MACROD2: variants seen among roughly 807,000 people sequenced by gnomAD.
MACROD2 encodes ADP-ribose glycohydrolase MACROD2.
Under a neutral mutation model 70.4 loss-of-function variants are expected in MACROD2, and 36 were observed. The observed-to-expected ratio is 0.51, with a 90% CI of 0.39 to 0.68. MACROD2 has a LOEUF of 0.68. Ranked by LOEUF, MACROD2 falls within the 30% of genes least tolerant of loss-of-function variation. The pLI, the probability that MACROD2 is intolerant of heterozygous loss-of-function variation, is 0.00. For missense variants in MACROD2, 496 were observed against 538.4 expected (o/e 0.92, Z 0.78); for synonymous variants, 172 against 178.8 (o/e 0.96, Z 0.30).
At chr20:15,356,227 A>G (rs1252727808) in intron 6 of MACROD2, among the ~76,000 whole-genome samples, 2 of 152,164 alleles carry the variant, frequency 1.3e-5, no homozygotes, top group Admixed American at 1.3e-4. Flanking sequence ...CAGTTTTCTC[A>G]TTTGTAAAAA....
At chr20:14,593,203 A>G (rs1981896298) in intron 4 of MACROD2, among the ~76,000 whole-genome samples, 1 of 152,200 alleles carries the variant, frequency 6.6e-6, no homozygotes, top group Non-Finnish European at 1.5e-5. Flanking sequence ...TAATCTACAT[A>G]TACTGTTAAT....
rs1329926645 is a variant in MACROD2 at position 14,123,657 on chromosome 20, A to G, written c.271+37929A>G. 2.0e-5 allele frequency among the ~76,000 whole-genome samples: 3 copies of G among 152,212 alleles called. No individual in the cohort carries two copies. In the East Asian group the frequency reaches 5.8e-4, roughly 29 times the overall value. ...AAATCTCGTATCTGAAGATAGTGGT[A>G]ATCATCAATGTTTCAGAAAGGTAGC... On this transcript the variant is annotated intron_variant, in intron 3 of 17. Coordinates refer to ENST00000684519, the MANE Select transcript of MACROD2 (RefSeq NM_001351661.2).
intron 1 of MACROD2, among the ~76,000 whole-genome samples, chr20:14,002,060 T>G (rs2052739292): frequency 6.6e-6 from 1 of 152,328 alleles, no homozygotes; most frequent in African/African-American, 2.4e-5. Context: ...ACTTATTTCT[T>G]GGACTATCAT....
chr20:14,744,715 G>T (rs1332095571), intron 5 of MACROD2, among the ~76,000 whole-genome samples: 3 of 152,104 alleles, frequency 2.0e-5, no homozygotes, highest in Non-Finnish European at 4.4e-5. Flanking sequence ...CATTCGACTT[G>T]CTCTTTCTTG....
At chr20:15,693,856 C>T (rs1227705054) in intron 8 of MACROD2, among the ~76,000 whole-genome samples, 2 of 151,188 alleles carry the variant, frequency 1.3e-5, no homozygotes, top group African/African-American at 4.9e-5. Flanking sequence ...TCTTTTAATC[C>T]CTTGCCCCCC....
chr20:15,243,455 T>G (rs569061358), intron 6 of MACROD2, among the ~76,000 whole-genome samples: 8 of 152,146 alleles, frequency 5.3e-5, no homozygotes, highest in Non-Finnish European at 7.3e-5. Context: ...ATGCACACAG[T>G]AGAATCGAAG....
intron 8 of MACROD2, among the ~76,000 whole-genome samples, chr20:15,625,197 T>G (rs1343142711): frequency 6.6e-6 from 1 of 152,116 alleles, no homozygotes; most frequent in Non-Finnish European, 1.5e-5. Context: ...AGGAGGAAAA[T>G]GACAAACGTT....
chr20:15,109,297 A>G (rs939932569), intron 5 of MACROD2, among the ~76,000 whole-genome samples: 4 of 152,270 alleles, frequency 2.6e-5, no homozygotes, highest in African/African-American at 9.6e-5. Flanking sequence ...CTGAAACTTT[A>G]ATGAGGTGGA....
At chr20:14,750,460 G>GTTA (rs2071855572) in intron 5 of MACROD2, among the ~76,000 whole-genome samples, 1 of 151,908 alleles carries the variant, frequency 6.6e-6, no homozygotes, top group Non-Finnish European at 1.5e-5. Flanking sequence ...ATTTATTGTT[G>GTTA]TTATTATTAT....
At chr20:14,128,685 G>C (rs2054681902) in intron 3 of MACROD2, among the ~76,000 whole-genome samples, 2 of 152,200 alleles carry the variant, frequency 1.3e-5, no homozygotes, top group Admixed American at 1.3e-4. Context: ...TTGGCTTAAA[G>C]TGTCAAAGGA....
intron 3 of MACROD2, among the ~76,000 whole-genome samples, chr20:14,426,499 A>G (rs903788910): frequency 6.6e-6 from 1 of 152,154 alleles, no homozygotes; most frequent in African/African-American, 2.4e-5. Context: ...AATCTTTCAT[A>G]TTAGTGACTT....
chr20:14,260,626 A>G (rs1046064548), intron 3 of MACROD2, among the ~76,000 whole-genome samples: 1 of 152,172 alleles, frequency 6.6e-6, no homozygotes, highest in Non-Finnish European at 1.5e-5. Context: ...TAAAGAGGCA[A>G]TGTGATGTAG....
chr20:14,044,145 CAG>C (rs1569131454), intron 2 of MACROD2, among the ~76,000 whole-genome samples: 1 of 151,990 alleles, frequency 6.6e-6, no homozygotes, highest in Non-Finnish European at 1.5e-5. Context: ...CGCATGTGTT[CAG>C]AGTTTTTTCC....
At chr20:14,665,752 A>C (rs1384605536) in intron 4 of MACROD2, among the ~76,000 whole-genome samples, 1 of 151,990 alleles carries the variant, frequency 6.6e-6, no homozygotes, top group African/African-American at 2.4e-5. Flanking sequence ...TCCATCCTTT[A>C]GATTTCGTTT....
At chr20:15,844,635 T>C (rs970545004) in intron 8 of MACROD2, among the ~76,000 whole-genome samples, 2 of 151,986 alleles carry the variant, frequency 1.3e-5, no homozygotes, top group Admixed American at 6.6e-5. Flanking sequence ...AAGGGTCTTA[T>C]CTTTTCTGTC....
intron 3 of MACROD2, among the ~76,000 whole-genome samples, chr20:14,486,379 A>G (rs1002130558): frequency 6.6e-6 from 1 of 152,104 alleles, no homozygotes; most frequent in Non-Finnish European, 1.5e-5. Flanking sequence ...ACTGAACCCA[A>G]CTAGAGACAG....
chr20:14,821,258 G>T (rs1476951804), intron 5 of MACROD2, among the ~76,000 whole-genome samples: 1 of 151,960 alleles, frequency 6.6e-6, no homozygotes, highest in Non-Finnish European at 1.5e-5. Flanking sequence ...ATCTTAATCT[G>T]GCAGTCAGGA....
At chr20:15,418,411 G>C (rs1455407477) in intron 6 of MACROD2, among the ~76,000 whole-genome samples, 1 of 152,178 alleles carries the variant, frequency 6.6e-6, no homozygotes, top group Non-Finnish European at 1.5e-5. Context: ...TTGAGGCCAA[G>C]TTAGGTGAGA....
At chr20:14,862,652 T>TTTTTTTTTTTTTA (rs2073379291) in intron 5 of MACROD2, among the ~76,000 whole-genome samples, 1 of 40,780 alleles carries the variant, frequency 2.5e-5, no homozygotes, top group Non-Finnish European at 4.3e-5. Context: ...AATATATATA[T>TTTTTTTTTTTTTA]ATAAATATAT....
Sources: gnomAD v4.1 joint callset for allele counts (sites outside exome capture counted in the v4.1 genomes callset) on GRCh38, gnomAD v4.1.1 for gene constraint, MANE v1.5 for transcripts, NCBI Gene and HGNC (gene_info 2026-07-23, HGNC 2026-07-21) for gene names.